Variants in HTR4 observed in about 807,000 individuals in gnomAD.
HTR4 encodes the protein 5-hydroxytryptamine (serotonin) receptor 4, G protein-coupled.
Under a neutral mutation model 36.8 loss-of-function variants are expected in HTR4, and 16 were observed. That is an observed-to-expected ratio of 0.43 (90% CI 0.29 to 0.66). The LOEUF is 0.66. HTR4 is among the 30% of genes least tolerant of loss of function. The probability of loss-of-function intolerance (pLI) is 0.13; values close to 1 mark genes in which losing one functional copy is unlikely to be tolerated. For missense variants in HTR4, 438 were observed against 490.9 expected, an observed-to-expected ratio of 0.89 and a Z score of 1.02; for synonymous variants, 189 against 185.1, an observed-to-expected ratio of 1.02 and a Z score of -0.17.
intron 4 of HTR4, among the ~76,000 whole-genome samples, chr5:148,530,907 A>G (rs1025687331): frequency 6.6e-6 from 1 of 152,174 alleles, no homozygotes; most frequent in African/African-American, 2.4e-5. Flanking sequence ...ATCATTTTGG[A>G]GCTTTAAGAT....
intron 5 of HTR4, among the ~76,000 whole-genome samples, chr5:148,522,032 G>A (rs561003653): frequency 2.0e-5 from 3 of 152,076 alleles, no homozygotes; most frequent in Non-Finnish European, 4.4e-5. Context: ...TATGGGGGTG[G>A]TTTCCCCCAT....
chr5:148,590,169 A>T (rs1761504488), intron 2 of HTR4, among the ~76,000 whole-genome samples: 1 of 152,034 alleles, frequency 6.6e-6, no homozygotes, highest in South Asian at 2.1e-4. Flanking sequence ...GCCATACGAG[A>T]AACTTCTAAC....
intron 1 of HTR4, among the ~76,000 whole-genome samples, chr5:148,650,310 T>C (rs1753995864): frequency 6.6e-6 from 1 of 152,108 alleles, no homozygotes; most frequent in Admixed American, 6.5e-5. Context: ...GACATAGCAC[T>C]TAAAAAAAAA....
intron 2 of HTR4, among the ~76,000 whole-genome samples, chr5:148,611,493 C>T (rs1752426178): frequency 7.7e-6 from 1 of 130,416 alleles, no homozygotes; most frequent in Non-Finnish European, 1.6e-5. Flanking sequence ...ATTTTGTCAC[C>T]ACCAGGCCTG....
At chr5:148,540,576 T>C (rs1223893991) in intron 4 of HTR4, among the ~76,000 whole-genome samples, 1 of 151,442 alleles carries the variant, frequency 6.6e-6, no homozygotes, top group Non-Finnish European at 1.5e-5. Flanking sequence ...TGTTTCGATG[T>C]CTGAAAGATA....
At chr5:148,491,388 C>T (rs898642502) in intron 6 of HTR4, among the ~76,000 whole-genome samples, 4 of 151,888 alleles carry the variant, frequency 2.6e-5, no homozygotes, top group Admixed American at 6.6e-5. Flanking sequence ...GGTGCAGGGG[C>T]TGAACCTCCT....
chr5:148,564,512 A>G (rs1276495354), intron 2 of HTR4, among the ~76,000 whole-genome samples: 2 of 152,206 alleles, frequency 1.3e-5, no homozygotes, highest in Non-Finnish European at 2.9e-5. Context: ...AAACTGATAT[A>G]CAAGGTAGCC....
At chr5:148,558,554 T>A (rs1171958609) in intron 2 of HTR4, among the ~76,000 whole-genome samples, 1 of 152,164 alleles carries the variant, frequency 6.6e-6, no homozygotes, top group African/African-American at 2.4e-5. Context: ...CATCAAGAAA[T>A]ATAGTGCTCC....
intron 2 of HTR4, among the ~76,000 whole-genome samples, chr5:148,582,712 A>T (rs1012428368): frequency 7.2e-5 from 11 of 152,108 alleles, no homozygotes; most frequent in Admixed American, 7.2e-4. Flanking sequence ...TGTGAATGGG[A>T]GTTCACTCAT....
chr5:148,544,645 C>T (rs1759298468), intron 4 of HTR4, among the ~76,000 whole-genome samples: 1 of 152,128 alleles, frequency 6.6e-6, no homozygotes, highest in Admixed American at 6.5e-5. Context: ...TCTCCTATGA[C>T]CCATACTATA....
At chr5:148,583,227 T>C (rs1289016590) in intron 2 of HTR4, among the ~76,000 whole-genome samples, 1 of 151,150 alleles carries the variant, frequency 6.6e-6, no homozygotes, top group Non-Finnish European at 1.5e-5. Context: ...GTTTATATGC[T>C]GGATTACATT....
In HTR4 at chr5:148,607,988, C is replaced by T. The variant is rs80074152; in HGVS notation, c.26+29001G>A. On this transcript the variant is annotated intron_variant, in intron 2 of 6. Transcript: ENST00000377888. ...TCCCAATCAGAATACTGGAGGGCGA[C>T]GGCTAAGATGAGGAATGGTGCAGGA... Among the ~76,000 whole-genome samples the T allele has an allele frequency of 4.9e-3, 741 of 152,204 alleles. 6 individuals are homozygous for T. The highest frequency in any genetic ancestry group is 0.016 in the African/African-American group (670 of 41,526).
At chr5:148,479,493 C>T (rs1755808072), downstream of HTR4, among the ~76,000 whole-genome samples, 2 of 151,968 alleles carry the variant, frequency 1.3e-5, no homozygotes, top group African/African-American at 4.8e-5. Context: ...ACAGAATGCA[C>T]TCATATAAAC....
At chr5:148,585,367 A>C (rs1761307025) in intron 2 of HTR4, among the ~76,000 whole-genome samples, 2 of 152,202 alleles carry the variant, frequency 1.3e-5, no homozygotes, top group Admixed American at 1.3e-4. Context: ...AAATTACCAA[A>C]ATAAAACTAA....
rs201581177 is a variant in HTR4, at chr5:148,509,535, G to T, written c.997C>A (p.Arg333Ser). The T allele has an allele frequency of 6.2e-7, 1 of 1,613,966 alleles. No individual in the cohort carries two copies. Among genetic ancestry groups the T allele is most frequent in the Non-Finnish European group, 8.5e-7 (1 of 1,179,938 alleles). Residue 333 changes from arginine (R) to serine (S), a missense_variant, in exon 6 of 7, where the codon CGC becomes AGC. By Grantham distance (110) the Arg-to-Ser change is moderately radical. Transcript: ENST00000377888. ...CCCAGAATGGAAGGTCTTCGGTAGC[G>T]CTCATCATCACAGCAGAGGATGATG... ...FLIILCCDDE[R>S]YRRPSILGQT...
Position 148,482,375 on chromosome 5 carries a change from C to T in HTR4, c.*828G>A, listed in dbSNP as rs577451505. On this transcript the variant is annotated 3_prime_UTR_variant, in exon 7 of 7. Coordinates refer to ENST00000377888, the MANE Select transcript of HTR4 (RefSeq NM_000870.7). ...GCCCAAGGCTTTTTAGAAGACGTCC[C>T]GTTCTAGCCCAGCAGGAGAGCGAGC... 8 of 985,526 alleles carry T rather than the reference C, an allele frequency of 8.1e-6. No individual in the cohort carries two copies. The highest frequency in any genetic ancestry group is 6.1e-5 in the Admixed American group (1 of 16,296). The allele number at this position is 985,526 out of a possible 1,614,324, so 61.0% of individuals were successfully genotyped here.
downstream of HTR4, among the ~76,000 whole-genome samples, chr5:148,477,615 G>A (rs1362613920): frequency 6.6e-6 from 1 of 152,174 alleles, no homozygotes. Flanking sequence ...CCTGTGATAG[G>A]AAAATGATAC....
In HTR4 at chr5:148,583,336, A is replaced by G. The variant is rs1047849668; in HGVS notation, c.27-33074T>C. 3.9e-5 allele frequency among the ~76,000 whole-genome samples: 6 copies of G among 152,106 alleles called. No individual in the cohort carries two copies. In the South Asian group the frequency reaches 1.2e-3, roughly 32 times the overall value. The stretch of plus-strand genomic sequence containing the variant: ...CATTGGGAGATATACCTAATGCTAG[A>G]TGATGAGTTAGTGGGTGCAGCGCAC... On this transcript the variant is annotated intron_variant, in intron 2 of 6. Coordinates refer to ENST00000377888, the MANE Select transcript of HTR4 (RefSeq NM_000870.7).
At chr5:148,488,717 G>T (rs78841636) in intron 6 of HTR4, among the ~76,000 whole-genome samples, 7 of 152,158 alleles carry the variant, frequency 4.6e-5, no homozygotes, top group African/African-American at 9.7e-5. Context: ...CATCTGCAGG[G>T]CATGACATCT....
Sources: allele counts gnomAD v4.1 joint callset (sites outside exome capture counted in the v4.1 genomes callset), GRCh38; gene constraint gnomAD v4.1.1; transcripts MANE v1.5; gene names NCBI Gene and HGNC (gene_info 2026-07-23, HGNC 2026-07-21).